The following SNTG1 variants were observed in gnomAD, a reference collection of about 807,000 sequenced individuals.
SNTG1 encodes the protein syntrophin gamma 1.
Under a neutral mutation model 74.7 loss-of-function variants are expected in SNTG1, and 39 were observed. The ratio of observed to expected loss-of-function variants is 0.52; its 90% CI spans 0.40 to 0.68. The LOEUF (loss-of-function observed/expected upper bound fraction) is 0.68. Among genes scored for constraint, SNTG1 ranks in the 30% least tolerant of loss-of-function variants. The pLI is 0.00. For missense variants in SNTG1, 685 were observed against 609.5 expected (o/e 1.12, Z -1.30); for synonymous variants, 254 against 217.1 (o/e 1.17, Z -1.49).
At chr8:50,774,895 ATAT>A (rs2095636261) in intron 18 of SNTG1, among the ~76,000 whole-genome samples, 1 of 151,282 alleles carries the variant, frequency 6.6e-6, no homozygotes, top group Admixed American at 6.6e-5. Context: ...ATGTTTTAAA[ATAT>A]TATTATATCC....
At chr8:49,933,949 G>A (rs1807818452) in intron 1 of SNTG1, among the ~76,000 whole-genome samples, 2 of 152,160 alleles carry the variant, frequency 1.3e-5, no homozygotes, top group Non-Finnish European at 2.9e-5. Context: ...AGGCATAAAT[G>A]TGAAAAGATA....
intron 12 of SNTG1, among the ~76,000 whole-genome samples, chr8:50,575,028 A>G (rs185318482): frequency 6.6e-6 from 1 of 152,204 alleles, no homozygotes; most frequent in Admixed American, 6.5e-5. Flanking sequence ...ATTTTTATGA[A>G]TTTTCTCTTA....
intron 13 of SNTG1, among the ~76,000 whole-genome samples, chr8:50,630,549 C>A (rs1563669397): frequency 7.2e-6 from 1 of 139,508 alleles, no homozygotes; most frequent in African/African-American, 2.9e-5. Context: ...CATAATGTGA[C>A]TTAACAGGTG....
intron 1 of SNTG1, among the ~76,000 whole-genome samples, chr8:50,092,501 C>T (rs2079777114): frequency 6.6e-6 from 1 of 152,114 alleles, no homozygotes; most frequent in Non-Finnish European, 1.5e-5. Context: ...TTCTGGAAAA[C>T]TTGGGTGGGA....
intron 4 of SNTG1, among the ~76,000 whole-genome samples, chr8:50,412,563 C>A (rs752572187): frequency 4.6e-5 from 7 of 152,148 alleles, no homozygotes; most frequent in Non-Finnish European, 7.4e-5. Flanking sequence ...CAAATAATAT[C>A]TTTATTAACA....
chr8:50,638,580 G>T (rs2095053438), intron 13 of SNTG1, among the ~76,000 whole-genome samples: 1 of 151,936 alleles, frequency 6.6e-6, no homozygotes, highest in Non-Finnish European at 1.5e-5. Context: ...TGTCTTAACA[G>T]AAAATACCTT....
At chr8:50,635,333 A>G (rs1022230544) in intron 13 of SNTG1, among the ~76,000 whole-genome samples, 5 of 152,204 alleles carry the variant, frequency 3.3e-5, no homozygotes, top group African/African-American at 1.2e-4. Flanking sequence ...CTCTACAATC[A>G]GTAGGTGGTG....
intron 17 of SNTG1, among the ~76,000 whole-genome samples, chr8:50,733,366 A>G (rs1421905100): frequency 6.6e-6 from 1 of 151,882 alleles, no homozygotes; most frequent in Non-Finnish European, 1.5e-5. Context: ...TGTCTTTGCA[A>G]TTGTGAATAG....
chr8:50,496,628 T>G (rs2093906947), intron 8 of SNTG1, among the ~76,000 whole-genome samples: 1 of 152,198 alleles, frequency 6.6e-6, no homozygotes, highest in Admixed American at 6.6e-5. Context: ...GTTCATGAAC[T>G]GAGTCATTAG....
intron 13 of SNTG1, among the ~76,000 whole-genome samples, chr8:50,612,091 A>T (rs971004155): frequency 6.6e-6 from 1 of 152,224 alleles, no homozygotes; most frequent in Non-Finnish European, 1.5e-5. Flanking sequence ...AAACAAAAAA[A>T]TCTGAAGCAC....
chr8:50,117,265 T>TA (rs1452858837), intron 1 of SNTG1, among the ~76,000 whole-genome samples: 1 of 151,976 alleles, frequency 6.6e-6, no homozygotes, highest in Non-Finnish European at 1.5e-5. Flanking sequence ...TGTCATGCTG[T>TA]AAAAAAGCAC....
chr8:50,761,180 A>G (rs1344998540), intron 18 of SNTG1, among the ~76,000 whole-genome samples: 4 of 152,034 alleles, frequency 2.6e-5, no homozygotes, highest in African/African-American at 9.7e-5. Flanking sequence ...CACCACGATC[A>G]AGTTGGCTTT....
chr8:50,776,792 G>GT (rs1391468470), intron 18 of SNTG1, among the ~76,000 whole-genome samples: 6 of 151,668 alleles, frequency 4.0e-5, no homozygotes, highest in Non-Finnish European at 7.4e-5. Context: ...ACTTTACTTT[G>GT]TTTTTCTTTA....
At chr8:50,138,663 A>ATAAT (rs1009232402) in intron 1 of SNTG1, among the ~76,000 whole-genome samples, 7 of 147,482 alleles carry the variant, frequency 4.7e-5, no homozygotes, top group Non-Finnish European at 8.9e-5. Flanking sequence ...AATAATAATA[A>ATAAT]TAATAATTCC....
At chr8:50,423,188 A>G (rs1223398362) in intron 4 of SNTG1, among the ~76,000 whole-genome samples, 1 of 152,204 alleles carries the variant, frequency 6.6e-6, no homozygotes, top group African/African-American at 2.4e-5. Context: ...CAAAGTAGAA[A>G]CCAATAACAG....
chr8:50,778,834 C>T (rs59122552), intron 18 of SNTG1, among the ~76,000 whole-genome samples: 33,089 of 150,912 alleles, frequency 0.22, 5,522 homozygotes, highest in African/African-American at 0.48. Context: ...TTTATGGTTT[C>T]AGGTCTAACA....
chr8:50,244,080 G>C (rs1023338278), intron 2 of SNTG1, among the ~76,000 whole-genome samples: 1 of 152,088 alleles, frequency 6.6e-6, no homozygotes, highest in Non-Finnish European at 1.5e-5. Flanking sequence ...TTCTGGGGAG[G>C]ACTCAGGGAG....
chr8:50,489,345 C>A (rs2093829003), intron 8 of SNTG1, among the ~76,000 whole-genome samples: 2 of 152,212 alleles, frequency 1.3e-5, no homozygotes, highest in Admixed American at 1.3e-4. Flanking sequence ...CTTGAGGAAT[C>A]ACCACACTGT....
At chr8:50,208,875 A>C (rs1276573472) in intron 2 of SNTG1, among the ~76,000 whole-genome samples, 2 of 152,164 alleles carry the variant, frequency 1.3e-5, no homozygotes, top group Admixed American at 6.5e-5. Flanking sequence ...GTGAGGTACC[A>C]GGTTCATCTC....
Sources: gnomAD v4.1 joint callset for allele counts (sites outside exome capture counted in the v4.1 genomes callset) on GRCh38, gnomAD v4.1.1 for gene constraint, MANE v1.5 for transcripts, NCBI Gene and HGNC (gene_info 2026-07-23, HGNC 2026-07-21) for gene names.